BCAS3: variants seen among roughly 807,000 people sequenced by gnomAD.
BCAS3 encodes the protein BCAS4/BCAS3 fusion.
A neutral mutation model predicts 116.1 loss-of-function variants in BCAS3; 53 were observed. That is an observed-to-expected ratio of 0.46 (90% CI 0.37 to 0.57). The LOEUF (loss-of-function observed/expected upper bound fraction) is 0.57. Ranked by LOEUF, BCAS3 falls within the 20% of genes least tolerant of loss-of-function variation. The probability of loss-of-function intolerance (pLI) is 0.00; values close to 1 mark genes in which losing one functional copy is unlikely to be tolerated. For synonymous variants in BCAS3, 391 were observed against 408.2 expected (o/e 0.96, Z 0.51); for missense variants, 917 against 1,165.4 (o/e 0.79, Z 3.10).
chr17:61,173,794 T>G (rs1454001722), intron 22 of BCAS3, among the ~76,000 whole-genome samples: 3 of 152,016 alleles, frequency 2.0e-5, no homozygotes, highest in South Asian at 4.1e-4. Flanking sequence ...AGATGGGGGA[T>G]GACTTGAGCC....
intron 22 of BCAS3, among the ~76,000 whole-genome samples, chr17:61,238,369 C>G (rs993524341): frequency 1.3e-5 from 2 of 152,010 alleles, no homozygotes; most frequent in African/African-American, 2.4e-5. Context: ...ATTACAGGCG[C>G]CTGCCACCAC....
chr17:61,280,500 G>T (rs1445077236), intron 22 of BCAS3, among the ~76,000 whole-genome samples: 1 of 152,178 alleles, frequency 6.6e-6, no homozygotes, highest in Non-Finnish European at 1.5e-5. Flanking sequence ...CAGGATTCAG[G>T]TTTGAGTCAC....
At position 61,367,109 on chromosome 17, in the gene BCAS3, G is replaced by A. The variant is rs150594854; in HGVS notation, c.2426-1218G>A. On this transcript the variant is annotated intron_variant, in intron 22 of 23. Coordinates refer to ENST00000407086, the MANE Select transcript of BCAS3 (RefSeq NM_017679.5). The surrounding 1 kb of genome is among the most constrained non-coding windows in gnomAD (Gnocchi z 6.2). ...CACTGCCCAGCCCTCACTGCCTGGC[G>A]AAGATAGTTTCTGACGGCTGATCAA... is the stretch of plus-strand genomic sequence containing the variant. 2.8e-3 allele frequency among the ~76,000 whole-genome samples: 429 copies of A among 152,354 alleles called. 1 individual carries two copies. The highest frequency in any genetic ancestry group is 9.7e-3 in the African/African-American group (402 of 41,582).
chr17:61,096,152 C>T (rs2073956344), intron 22 of BCAS3, among the ~76,000 whole-genome samples: 1 of 152,124 alleles, frequency 6.6e-6, no homozygotes, highest in Non-Finnish European at 1.5e-5. Context: ...AAAACATAAA[C>T]TTTTATAACT....
chr17:61,046,173 C>CT (rs1005608357), intron 19 of BCAS3, among the ~76,000 whole-genome samples: 7 of 120,478 alleles, frequency 5.8e-5, no homozygotes, highest in African/African-American at 2.2e-4. Context: ...CTGTTGCACC[C>CT]TTTCTGCAAG....
rs7223016 is a variant in BCAS3 at position 61,007,035 on chromosome 17, A to C, written c.1487-8716A>C. 1.8e-3 allele frequency among the ~76,000 whole-genome samples: 275 copies of C among 152,198 alleles called. 3 individuals are homozygous for C. The highest frequency in any genetic ancestry group is 6.3e-3 in the African/African-American group (260 of 41,554). On this transcript the variant is annotated intron_variant, in intron 15 of 23. Transcript: ENST00000407086. The surrounding 1 kb of genome is among the most constrained non-coding windows in gnomAD (Gnocchi z 4.3). ...AATCTTGGAGTGCTCTAAGAATAAT[A>C]AGTAATGAACTTACCACTTTGAGGG...
At chr17:61,283,581 G>A (rs543405857) in intron 22 of BCAS3, among the ~76,000 whole-genome samples, 4 of 151,716 alleles carry the variant, frequency 2.6e-5, no homozygotes, top group Admixed American at 1.3e-4. Context: ...AGCCTCCCAA[G>A]TAGCTGGGAC....
chr17:60,747,111 T>C (rs2042070561), intron 5 of BCAS3, 87 bp from the exon 6 acceptor site: 10 of 867,230 alleles, frequency 1.2e-5, no homozygotes, highest in Non-Finnish European at 1.8e-5. Flanking sequence ...AAAATATTGT[T>C]ATAAAATTTA....
chr17:60,850,323 C>G (rs569695283), intron 7 of BCAS3, among the ~76,000 whole-genome samples: 1 of 151,058 alleles, frequency 6.6e-6, no homozygotes, highest in Non-Finnish European at 1.5e-5. Flanking sequence ...TTTTTTCCCT[C>G]CCCCTAACTC....
chr17:60,810,625 A>G (rs934063432), intron 7 of BCAS3: 18 of 696,682 alleles, frequency 2.6e-5, no homozygotes, highest in Non-Finnish European at 3.8e-5. Flanking sequence ...CGTTCTGCAA[A>G]TCAACAGTGC....
At chr17:60,692,023 T>G (rs2034889824) in intron 4 of BCAS3, among the ~76,000 whole-genome samples, 1 of 150,666 alleles carries the variant, frequency 6.6e-6, no homozygotes, top group Admixed American at 6.6e-5. Context: ...GCACTCCAGC[T>G]TGGGGGCAAC....
intron 22 of BCAS3, among the ~76,000 whole-genome samples, chr17:61,149,593 A>G (rs1031258044): frequency 7.9e-5 from 12 of 152,200 alleles, no homozygotes; most frequent in African/African-American, 2.9e-4. Context: ...ATTTGTGAAC[A>G]GGGGCAAGGG....
At chr17:61,184,328 C>T (rs1330190902) in intron 22 of BCAS3, among the ~76,000 whole-genome samples, 1 of 143,730 alleles carries the variant, frequency 7.0e-6, no homozygotes, top group African/African-American at 2.5e-5. Context: ...GGCATTTGGA[C>T]AAACACCACA....
intron 6 of BCAS3, among the ~76,000 whole-genome samples, chr17:60,799,708 CTTTTTTTTTT>C (rs67510415): frequency 4.0e-5 from 2 of 49,838 alleles, no homozygotes; most frequent in African/African-American, 7.8e-5. Context: ...TTTTTCTTTT[CTTTTTTTTTT>C]TTTTTTTTTT....
Position 61,128,647 on chromosome 17 carries a change from C to T in BCAS3, c.2425+44083C>T, listed in dbSNP as rs1378444190. Reference sequence around the variant, plus strand: ...CAGAGTTTGTGACAGAAACTGTTAGCCCTCTTTTGTATTGTTTCTGCATCG... The same window carrying T: ...CAGAGTTTGTGACAGAAACTGTTAGTCCTCTTTTGTATTGTTTCTGCATCG... On this transcript the variant is annotated intron_variant, in intron 22 of 23. Transcript: ENST00000407086. The surrounding 1 kb of genome is among the most constrained non-coding windows in gnomAD (Gnocchi z 4.1). 3.2e-6 allele frequency: 3 copies of T among 943,476 alleles called. No individual in the cohort carries two copies. Among genetic ancestry groups the T allele is most frequent in the Non-Finnish European group, 3.8e-6 (3 of 791,910 alleles). 58.4% of individuals were successfully genotyped at this position (943,476 alleles called of 1,614,324 possible). A position where few individuals can be genotyped will look rare whatever the true frequency, so the allele number is the denominator to read the frequency against.
chr17:60,741,776 A>G lies in BCAS3; in HGVS notation c.322-5422A>G, dbSNP rs113603874. Among the ~76,000 whole-genome samples the G allele has an allele frequency of 6.0e-3, 917 of 152,340 alleles. 4 individuals are homozygous for G. Among genetic ancestry groups the G allele is most frequent in the African/African-American group, 0.021 (865 of 41,586 alleles). On this transcript the variant is annotated intron_variant, in intron 5 of 23. Transcript: ENST00000407086. Reference sequence around the variant, plus strand: ...GTTGCTGGTGGAAGTGTAAATTGGTACAATCACATTGGAAAATTAAATCTA... The same window carrying G: ...GTTGCTGGTGGAAGTGTAAATTGGTGCAATCACATTGGAAAATTAAATCTA...
At position 60,947,236 on chromosome 17, in the gene BCAS3, A is replaced by G. The variant is rs376502382; in HGVS notation, c.1105A>G (p.Thr369Ala). 31 of 1,612,830 alleles carry G rather than the reference A, an allele frequency of 1.9e-5. No homozygotes were observed. In the African/African-American group the frequency reaches 2.5e-4, roughly 13 times the overall value. ...TCTTCCAGGAATGCTTCTAGTCACAACAGACACCCTTGGCCATGACTTTCA... is the reference window on the plus strand; with the variant it reads ...TCTTCCAGGAATGCTTCTAGTCACAGCAGACACCCTTGGCCATGACTTTCA... ...FNTSGMLLVT[T>A]DTLGHDFHVF... The change falls in exon 14 of 24, where the codon ACA becomes GCA. Residue 369 changes from threonine (T) to alanine (A), a missense_variant. By Grantham distance (58) the Thr-to-Ala change is moderately conservative. Transcript: ENST00000407086.
At position 61,068,855 on chromosome 17, in the gene BCAS3, A is replaced by G. The variant is rs2071009139; in HGVS notation, c.2030-6065A>G. Among the ~76,000 whole-genome samples the G allele has an allele frequency of 6.6e-6, 1 of 152,110 alleles. No individual in the cohort carries two copies. Among genetic ancestry groups the G allele is most frequent in the South Asian group, 2.1e-4 (1 of 4,822 alleles). On this transcript the variant is annotated intron_variant, in intron 19 of 23. Coordinates refer to ENST00000407086, the MANE Select transcript of BCAS3 (RefSeq NM_017679.5). This position sits in a 1 kb window ranked among gnomAD's most constrained non-coding sequence, Gnocchi z 4.3. ...TTTGCTCTTATCATATTTTCTTTTT[A>G]TCAAGGTTGTAAATTCTTTTTTCCA...
chr17:60,982,116 A>T (rs1391709793), intron 14 of BCAS3, among the ~76,000 whole-genome samples: 2 of 152,202 alleles, frequency 1.3e-5, no homozygotes, highest in Admixed American at 6.5e-5. Flanking sequence ...GTGTTCCAAG[A>T]TAATGAGAAA....
Sources: gnomAD v4.1 joint callset for allele counts (sites outside exome capture counted in the v4.1 genomes callset) on GRCh38, gnomAD v4.1.1 for gene constraint, Gnocchi (gnomAD v3.1) non-coding constraint, MANE v1.5 for transcripts, NCBI Gene and HGNC (gene_info 2026-07-23, HGNC 2026-07-21) for gene names.